KPNA1: variants seen among roughly 807,000 people sequenced by gnomAD.
KPNA1 encodes the protein importin subunit alpha-5.
A neutral mutation model predicts 70.5 loss-of-function variants in KPNA1; 10 were observed. That is an observed-to-expected ratio of 0.14 (90% CI 0.09 to 0.24). The LOEUF (loss-of-function observed/expected upper bound fraction) is 0.24, where lower values mean the gene tolerates loss of function less well. Ranked by LOEUF, KPNA1 falls within the 10% of genes least tolerant of loss-of-function variation. KPNA1 has a pLI of 1.00. For synonymous variants in KPNA1, 192 were observed against 221.9 expected (o/e 0.87, Z 1.20); for missense variants, 397 against 637.9 (o/e 0.62, Z 4.07).
intron 1 of KPNA1, among the ~76,000 whole-genome samples, chr3:122,507,944 TAGCACATA>T (rs150822553): frequency 0.026 from 3,966 of 152,254 alleles, 69 homozygotes; most frequent in Non-Finnish European, 0.042. Flanking sequence ...AATCAGGAAT[TAGCACATA>T]TAGACTGCAC....
chr3:122,438,683 G>A (rs2076022965), intron 10 of KPNA1, among the ~76,000 whole-genome samples: 1 of 152,114 alleles, frequency 6.6e-6, no homozygotes, highest in Non-Finnish European at 1.5e-5. Flanking sequence ...ACCACGCTCG[G>A]CCAGGTATTT....
At chr3:122,459,823 A>G (rs2107743499) in intron 5 of KPNA1, 2 of 985,486 alleles carry the variant, frequency 2.0e-6, no homozygotes, top group Non-Finnish European at 2.4e-6. Context: ...TCACCGCAAC[A>G]AAGAGTGTAA....
At chr3:122,442,141 T>G in intron 9 of KPNA1, 25 bp from the exon 10 acceptor site, 1 of 1,538,168 alleles carries the variant, frequency 6.5e-7, no homozygotes, top group Non-Finnish European at 9.0e-7. Flanking sequence ...AGTAATGTTA[T>G]AGCAAACAGT....
intron 1 of KPNA1, among the ~76,000 whole-genome samples, chr3:122,501,054 A>T (rs2076823971): frequency 1.5e-5 from 2 of 137,380 alleles, no homozygotes; most frequent in Non-Finnish European, 3.1e-5. Flanking sequence ...TTTGAGACAG[A>T]GTCTCACTCT....
chr3:122,470,485 C>A (rs1177201545), intron 2 of KPNA1, among the ~76,000 whole-genome samples: 1 of 150,950 alleles, frequency 6.6e-6, no homozygotes, highest in Non-Finnish European at 1.5e-5. Flanking sequence ...GCACTCCAGC[C>A]AGGGAAACAG....
Position 122,422,806 on chromosome 3 carries a change from A to G in KPNA1, c.*4179T>C, listed in dbSNP as rs2075777033. 6.6e-6 allele frequency: 1 copy of G among 152,224 alleles called. No homozygotes were observed. Among genetic ancestry groups the G allele is most frequent in the Non-Finnish European group, 1.5e-5 (1 of 68,036 alleles). 9.4% of individuals were successfully genotyped at this position (152,224 alleles called of 1,614,324 possible). ...GCCCTTAGCCAGGTATCTGGTGTAC[A>G]ATAGATGATCAAATAAAGACATGTT... On this transcript the variant is annotated 3_prime_UTR_variant, in exon 14 of 14. Coordinates refer to ENST00000344337, the MANE Select transcript of KPNA1 (RefSeq NM_002264.4).
intron 12 of KPNA1, among the ~76,000 whole-genome samples, chr3:122,431,046 GATGA>G (rs1347980591): frequency 6.6e-6 from 1 of 152,020 alleles, no homozygotes; most frequent in Non-Finnish European, 1.5e-5. Context: ...TCACTTCTTT[GATGA>G]ATGTTTCTCT....
intron 9 of KPNA1, 134 bp downstream of exon 9, chr3:122,449,440 C>A: frequency 1.4e-6 from 1 of 708,570 alleles, no homozygotes; most frequent in South Asian, 2.1e-5. Flanking sequence ...TCAAAATAAA[C>A]AAGTAACAAA....
chr3:122,459,161 T>G (rs995287137), intron 5 of KPNA1, among the ~76,000 whole-genome samples: 1 of 152,120 alleles, frequency 6.6e-6, no homozygotes, highest in Non-Finnish European at 1.5e-5. Context: ...TAAAAAAAGA[T>G]GTAGAATGTC....
chr3:122,493,986 T>A (rs1331066037), intron 2 of KPNA1, among the ~76,000 whole-genome samples: 1 of 152,198 alleles, frequency 6.6e-6, no homozygotes, highest in African/African-American at 2.4e-5. Flanking sequence ...TTTCATGTCC[T>A]GTGCCCACGT....
intron 1 of KPNA1, among the ~76,000 whole-genome samples, chr3:122,514,289 C>T (rs911484588): frequency 1.3e-5 from 2 of 152,050 alleles, no homozygotes. Context: ...CAAGACGGTC[C>T]CTTTTTGCCA....
intron 5 of KPNA1, among the ~76,000 whole-genome samples, chr3:122,456,806 G>A (rs1190163310): frequency 6.6e-6 from 1 of 152,156 alleles, no homozygotes; most frequent in Non-Finnish European, 1.5e-5. Context: ...ATCAAAAACA[G>A]TTTTGCTATT....
At chr3:122,481,393 T>A (rs1374299767) in intron 2 of KPNA1, among the ~76,000 whole-genome samples, 1 of 152,170 alleles carries the variant, frequency 6.6e-6, no homozygotes, top group Non-Finnish European at 1.5e-5. Context: ...TTTAACACAC[T>A]CTACTAAGTT....
intron 10 of KPNA1, among the ~76,000 whole-genome samples, chr3:122,440,243 T>A (rs2076044900): frequency 6.6e-6 from 1 of 151,438 alleles, no homozygotes; most frequent in Admixed American, 6.6e-5. Flanking sequence ...GAAAAAAAAA[T>A]AAGTACCTAA....
At chr3:122,478,624 AG>A (rs1406867100) in intron 2 of KPNA1, among the ~76,000 whole-genome samples, 1 of 151,806 alleles carries the variant, frequency 6.6e-6, no homozygotes, top group Non-Finnish European at 1.5e-5. Flanking sequence ...CAGGAGGCTG[AG>A]GCAGGAGAAT....
intron 5 of KPNA1, chr3:122,460,344 T>G (rs1414231225): frequency 2.0e-6 from 2 of 984,262 alleles, no homozygotes; most frequent in Non-Finnish European, 1.2e-6. Flanking sequence ...TTATGAAAAT[T>G]ATTGAATACT....
chr3:122,457,938 A>C (rs2076282474), intron 5 of KPNA1: 1 of 1,130,268 alleles, frequency 8.8e-7, no homozygotes, highest in Non-Finnish European at 1.1e-6. Context: ...TCATCTGAGC[A>C]ACTTTCCAGG....
chr3:122,459,437 A>AC, intron 5 of KPNA1: 1 of 985,288 alleles, frequency 1.0e-6, no homozygotes, highest in Non-Finnish European at 1.2e-6. Flanking sequence ...AATTTTCCCT[A>AC]CCTCCCTCTT....
chr3:122,435,581 G>T (rs2075974149), intron 11 of KPNA1, among the ~76,000 whole-genome samples: 1 of 152,096 alleles, frequency 6.6e-6, no homozygotes, highest in Non-Finnish European at 1.5e-5. Flanking sequence ...AAGAAGTCAG[G>T]GACCCTGAAT....
Sources: gnomAD v4.1 joint callset for allele counts (sites outside exome capture counted in the v4.1 genomes callset) on GRCh38, gnomAD v4.1.1 for gene constraint, MANE v1.5 for transcripts, NCBI Gene and HGNC (gene_info 2026-07-23, HGNC 2026-07-21) for gene names.